ANO3: variants seen among roughly 807,000 people sequenced by gnomAD.
ANO3 encodes anoctamin-3.
Under a neutral mutation model 144.8 loss-of-function variants are expected in ANO3, and 99 were observed. That is an observed-to-expected ratio of 0.68 (90% CI 0.58 to 0.81). The LOEUF (loss-of-function observed/expected upper bound fraction) is 0.81. Ranked by LOEUF, ANO3 falls within the 30% of genes least tolerant of loss-of-function variation. The pLI, the probability that ANO3 is intolerant of heterozygous loss-of-function variation, is 0.00. For missense variants in ANO3, 905 were observed against 1,202.2 expected (o/e 0.75, Z 3.66); for synonymous variants, 414 against 392.6 (o/e 1.05, Z -0.64).
chr11:26,632,434 T>C (rs550533378), intron 18 of ANO3, among the ~76,000 whole-genome samples: 2 of 148,442 alleles, frequency 1.3e-5, no homozygotes, highest in African/African-American at 2.5e-5. Context: ...AAGAATCACT[T>C]GAACCTGGGA....
intron 1 of ANO3, among the ~76,000 whole-genome samples, chr11:26,199,390 T>C (rs1194522462): frequency 2.6e-5 from 4 of 152,184 alleles, no homozygotes; most frequent in Non-Finnish European, 5.9e-5. Context: ...TTGGGCTGTT[T>C]ACAGAAACTC....
chr11:26,232,943 C>T (rs1470130467), intron 1 of ANO3, among the ~76,000 whole-genome samples: 1 of 152,152 alleles, frequency 6.6e-6, no homozygotes, highest in Non-Finnish European at 1.5e-5. Flanking sequence ...CCAGGCCGGG[C>T]ACAGTGGCTC....
In ANO3 at chr11:26,531,225, G is replaced by A. The variant is rs954124249; in HGVS notation, c.758G>A (p.Arg253Lys). 6.2e-7 allele frequency: 1 copy of A among 1,613,962 alleles called. No individual in the cohort carries two copies. Among genetic ancestry groups the A allele is most frequent in the Non-Finnish European group, 8.5e-7 (1 of 1,179,962 alleles). Reference protein sequence around the residue: ...SMGRMQTYFRRIKNWMAQNPM... With the variant: ...SMGRMQTYFRKIKNWMAQNPM... ...TCCAGGATGCAAACTTATTTTAGAAGAATCAAAAACTGGATGGCCCAAAAC... is the reference window on the plus strand; with the variant it reads ...TCCAGGATGCAAACTTATTTTAGAAAAATCAAAAACTGGATGGCCCAAAAC... Residue 253 changes from arginine (R) to lysine (K), a missense_variant, in exon 8 of 27, where the codon AGA becomes AAA. By Grantham distance (26) the Arg-to-Lys change is conservative. Transcript: ENST00000256737.
At chr11:26,303,741 A>G (rs1170056089) in intron 1 of ANO3, among the ~76,000 whole-genome samples, 2 of 152,204 alleles carry the variant, frequency 1.3e-5, no homozygotes, top group African/African-American at 4.8e-5. Flanking sequence ...TTATTTTTAG[A>G]TGGAGTCTAG....
chr11:26,479,797 G>T (rs1008505562), intron 4 of ANO3, among the ~76,000 whole-genome samples: 1 of 152,142 alleles, frequency 6.6e-6, no homozygotes, highest in Non-Finnish European at 1.5e-5. Flanking sequence ...GAAAGGGAGG[G>T]TATAAGAGAA....
chr11:26,455,425 C>A (rs11029565), intron 3 of ANO3, among the ~76,000 whole-genome samples: 140,831 of 150,520 alleles, frequency 0.94, 66,048 homozygotes, highest in East Asian at 0.99. Context: ...TCTTATACAC[C>A]AATAACAGAC....
chr11:26,373,420 T>C (rs1180430809), intron 1 of ANO3, among the ~76,000 whole-genome samples: 1 of 152,168 alleles, frequency 6.6e-6, no homozygotes, highest in Non-Finnish European at 1.5e-5. Flanking sequence ...ATGTGCCTGC[T>C]TCTGTTTTGC....
intron 4 of ANO3, among the ~76,000 whole-genome samples, chr11:26,484,275 A>G (rs1860352335): frequency 6.6e-6 from 1 of 152,282 alleles, no homozygotes; most frequent in South Asian, 2.1e-4. Context: ...TTGCATAAGT[A>G]AAGAGAAACC....
At chr11:26,510,229 A>G (rs1861612160) in intron 5 of ANO3, among the ~76,000 whole-genome samples, 1 of 152,028 alleles carries the variant, frequency 6.6e-6, no homozygotes, top group Admixed American at 6.6e-5. Context: ...ACACATCATG[A>G]CTTGACTCTT....
chr11:26,564,383 C>T (rs569520325), intron 14 of ANO3, among the ~76,000 whole-genome samples: 51 of 150,916 alleles, frequency 3.4e-4, no homozygotes, highest in African/African-American at 1.2e-3. Flanking sequence ...CTAATATAAT[C>T]CTTAAGTAAA....
intron 1 of ANO3, among the ~76,000 whole-genome samples, chr11:26,279,684 G>A (rs961816065): frequency 2.6e-5 from 4 of 152,130 alleles, no homozygotes; most frequent in African/African-American, 9.7e-5. Flanking sequence ...TTGCAAGTGG[G>A]GTCTCCCAGG....
At chr11:26,470,115 A>G (rs1464664431) in intron 4 of ANO3, among the ~76,000 whole-genome samples, 2 of 151,822 alleles carry the variant, frequency 1.3e-5, no homozygotes, top group African/African-American at 4.8e-5. Flanking sequence ...AGTTAGCCAA[A>G]TTTCTGGGTG....
At chr11:26,571,200 A>G (rs1323619152) in intron 14 of ANO3, among the ~76,000 whole-genome samples, 2 of 152,100 alleles carry the variant, frequency 1.3e-5, no homozygotes, top group Non-Finnish European at 2.9e-5. Context: ...TTTCTCCGAA[A>G]GGAAAGTTCT....
chr11:26,215,586 ATAT>A (rs1471570502), intron 1 of ANO3, among the ~76,000 whole-genome samples: 4 of 152,138 alleles, frequency 2.6e-5, no homozygotes, highest in African/African-American at 4.8e-5. Context: ...TTATTGAAAA[ATAT>A]TATTAGAAAC....
chr11:26,189,993 T>C (rs1590183751), intron 1 of ANO3, among the ~76,000 whole-genome samples: 1 of 152,314 alleles, frequency 6.6e-6, no homozygotes, highest in East Asian at 1.9e-4. Flanking sequence ...TGATTTATAA[T>C]GAATAGCTCT....
intron 1 of ANO3, among the ~76,000 whole-genome samples, chr11:26,372,964 A>T (rs1856304203): frequency 6.6e-6 from 1 of 152,214 alleles, no homozygotes; most frequent in South Asian, 2.1e-4. Context: ...AAAAATATAA[A>T]GGATAACATA....
chr11:26,248,205 G>A (rs911219041), intron 1 of ANO3, among the ~76,000 whole-genome samples: 2 of 152,050 alleles, frequency 1.3e-5, no homozygotes, highest in African/African-American at 4.8e-5. Context: ...AGGTGTGGTG[G>A]CACATGCCTG....
intron 1 of ANO3, among the ~76,000 whole-genome samples, chr11:26,278,984 G>A (rs1853618962): frequency 6.6e-6 from 1 of 152,114 alleles, no homozygotes; most frequent in Admixed American, 6.6e-5. Flanking sequence ...AGTACTTACA[G>A]ATCACCCTAC....
intron 1 of ANO3, chr11:26,287,901 C>T (rs1423592942): frequency 6.6e-6 from 1 of 152,160 alleles, no homozygotes; most frequent in East Asian, 1.9e-4. Context: ...TTCTAAGTTC[C>T]TCTTCTCTTG....
Sources: allele counts gnomAD v4.1 joint callset (sites outside exome capture counted in the v4.1 genomes callset), GRCh38; gene constraint gnomAD v4.1.1; transcripts MANE v1.5; gene names NCBI Gene and HGNC (gene_info 2026-07-23, HGNC 2026-07-21).